Variants in NFYC observed in about 807,000 individuals in gnomAD.
NFYC encodes CAAT box DNA-binding protein subunit C.
Under a neutral mutation model 53.1 loss-of-function variants are expected in NFYC, and 25 were observed. The ratio of observed to expected loss-of-function variants is 0.47; its 90% CI spans 0.34 to 0.66. NFYC has a LOEUF of 0.66. NFYC is among the 30% of genes least tolerant of loss of function. The pLI is 0.01. For missense variants in NFYC, 260 were observed against 422.7 expected, an observed-to-expected ratio of 0.62 and a Z score of 3.38; for synonymous variants, 145 against 152.6, an observed-to-expected ratio of 0.95 and a Z score of 0.37.
At chr1:40,728,537 A>G (rs2148527783) in intron 1 of NFYC, among the ~76,000 whole-genome samples, 1 of 151,998 alleles carries the variant, frequency 6.6e-6, no homozygotes, top group South Asian at 2.1e-4. Flanking sequence ...CGGAGGTTGC[A>G]GTGACCTGAG....
At chr1:40,769,319 A>G (rs1646972380) in intron 8 of NFYC, 37 bp from the exon 9 acceptor site, 2 of 1,605,674 alleles carry the variant, frequency 1.2e-6, no homozygotes, top group Non-Finnish European at 1.7e-6. Flanking sequence ...CAGACCCTGC[A>G]GCTGACATAC....
At chr1:40,749,782 A>G (rs1645809814) in intron 4 of NFYC, 96 bp downstream of exon 4, 1 of 993,744 alleles carries the variant, frequency 1.0e-6, no homozygotes, top group Non-Finnish European at 1.6e-6. Flanking sequence ...CTCCTTTAGG[A>G]CCAAAGATTG....
In NFYC at chr1:40,715,213, G is replaced by A. The variant is rs1644087949; in HGVS notation, c.-9+23346G>A. Among the ~76,000 whole-genome samples the A allele has an allele frequency of 2.0e-5, 3 of 152,124 alleles. No individual in the cohort carries two copies. The South Asian group carries it at 6.2e-4, about 32-fold the overall frequency. ...GAGGTCAGGAGTTTGAGACCAGCCTGGCCAACATGGTGAAACCCAGCCTTT... is the reference window on the plus strand; with the variant it reads ...GAGGTCAGGAGTTTGAGACCAGCCTAGCCAACATGGTGAAACCCAGCCTTT... On this transcript the variant is annotated intron_variant, in intron 1 of 9. Coordinates refer to ENST00000447388, the MANE Select transcript of NFYC (RefSeq NM_014223.5).
chr1:40,719,149 G>A (rs560015746), intron 1 of NFYC, among the ~76,000 whole-genome samples: 1 of 152,334 alleles, frequency 6.6e-6, no homozygotes, highest in Non-Finnish European at 1.5e-5. Flanking sequence ...GATTACAGGC[G>A]TGAGCCACGG....
chr1:40,741,014 A>G (rs1001281882), intron 2 of NFYC, among the ~76,000 whole-genome samples: 1 of 152,058 alleles, frequency 6.6e-6, no homozygotes, highest in African/African-American at 2.4e-5. Flanking sequence ...GTTAAGTATA[A>G]TCACATTGTT....
At chr1:40,747,461 C>T in intron 2 of NFYC, 73 bp from the exon 3 acceptor site, 1 of 1,022,380 alleles carries the variant, frequency 9.8e-7, no homozygotes, top group Non-Finnish European at 1.5e-6. Context: ...CAGAGTGTTT[C>T]CTACTGCCTG....
chr1:40,749,532 A>T (rs760446517), intron 3 of NFYC, 41 bp from the exon 4 acceptor site: 2 of 1,518,496 alleles, frequency 1.3e-6, no homozygotes. Context: ...GGTTTGCATG[A>T]CTTGCTGGTG....
intron 4 of NFYC, among the ~76,000 whole-genome samples, chr1:40,750,825 G>A (rs1368627228): frequency 6.6e-6 from 1 of 152,124 alleles, no homozygotes; most frequent in Non-Finnish European, 1.5e-5. Flanking sequence ...TTAGTCATCA[G>A]GGAAATAAAA....
chr1:40,707,849 CAAAAA>C (rs56325253), intron 1 of NFYC, among the ~76,000 whole-genome samples: 1 of 99,476 alleles, frequency 1.0e-5, no homozygotes, highest in Admixed American at 1.1e-4. Context: ...GACCCTATCT[CAAAAA>C]AAAAAAAAAA....
rs12124153 is a variant in NFYC at position 40,753,891 on chromosome 1, C to G, written c.387+645C>G. Among the ~76,000 whole-genome samples, 1,043 of 152,284 alleles carry G rather than the reference C, an allele frequency of 6.8e-3. 9 individuals carry two copies. The highest frequency in any genetic ancestry group is 0.011 in the Non-Finnish European group (757 of 68,028). On this transcript the variant is annotated intron_variant, in intron 5 of 9. Transcript: ENST00000447388. ...CAATCACAAGAAAGAATATGAACGT[C>G]TGCCTTCCCGTCTCTTCTGCCTGCC...
chr1:40,732,294 A>G (rs1160749818), intron 1 of NFYC, among the ~76,000 whole-genome samples: 5 of 152,252 alleles, frequency 3.3e-5, no homozygotes, highest in Admixed American at 3.3e-4. Flanking sequence ...AAACCAGGTC[A>G]TATTGCAATA....
At position 40,766,704 on chromosome 1, in the gene NFYC, G is replaced by T; in HGVS notation, c.828+1G>T. ...GACACTTGCCACCAATGCTCAACAG[G>T]TATGTGCCCCAGAGACACAAGGCCT... On this transcript the variant is annotated splice_donor_variant, in intron 8 of 9. Transcript: ENST00000447388. LOFTEE classifies it high-confidence loss of function. The T allele has an allele frequency of 6.2e-7, 1 of 1,613,360 alleles. No homozygotes were observed. Among genetic ancestry groups the T allele is most frequent in the Non-Finnish European group, 8.5e-7 (1 of 1,179,310 alleles).
At chr1:40,747,259 A>AC (rs1645660814) in intron 2 of NFYC, among the ~76,000 whole-genome samples, 1 of 151,256 alleles carries the variant, frequency 6.6e-6, no homozygotes, top group Non-Finnish European at 1.5e-5. Context: ...AAAAAAAAAA[A>AC]CAGATATTGC....
chr1:40,765,376 G>GT (rs931634673), intron 7 of NFYC, among the ~76,000 whole-genome samples: 13 of 152,194 alleles, frequency 8.5e-5, no homozygotes, highest in Non-Finnish European at 1.8e-4. Flanking sequence ...TTGAGAGGTC[G>GT]TTTTTTCTCG....
At chr1:40,725,172 C>G (rs1383409207) in intron 1 of NFYC, among the ~76,000 whole-genome samples, 1 of 152,186 alleles carries the variant, frequency 6.6e-6, no homozygotes, top group Non-Finnish European at 1.5e-5. Context: ...TCCTGCATGA[C>G]TATATAAAAA....
chr1:40,704,632 C>A (rs1643607416), intron 1 of NFYC, among the ~76,000 whole-genome samples: 1 of 152,210 alleles, frequency 6.6e-6, no homozygotes, highest in South Asian at 2.1e-4. Context: ...GACTTGAGGT[C>A]TTTTCCTTGC....
chr1:40,748,683 CAG>C (rs1168020720), intron 3 of NFYC, among the ~76,000 whole-genome samples: 1 of 152,182 alleles, frequency 6.6e-6, no homozygotes, highest in East Asian at 1.9e-4. Context: ...TTACAGATCT[CAG>C]AGAAAGAGGA....
chr1:40,734,856 C>A (rs55987263), intron 1 of NFYC: 2 of 152,228 alleles, frequency 1.3e-5, no homozygotes, highest in East Asian at 3.9e-4. Context: ...ACCTTTTTCT[C>A]TTTTTTCCTG....
At chr1:40,704,036 A>C (rs879460027) in intron 1 of NFYC, among the ~76,000 whole-genome samples, 3 of 152,004 alleles carry the variant, frequency 2.0e-5, no homozygotes, top group Non-Finnish European at 4.4e-5. Flanking sequence ...TAAAGCTTCA[A>C]CCGTGTAACC....
Sources: gnomAD v4.1 joint callset for allele counts (sites outside exome capture counted in the v4.1 genomes callset) on GRCh38, gnomAD v4.1.1 for gene constraint, MANE v1.5 for transcripts, NCBI Gene and HGNC (gene_info 2026-07-23, HGNC 2026-07-21) for gene names.